LRRC17: variants seen among roughly 807,000 people sequenced by gnomAD.
LRRC17 encodes leucine-rich repeat-containing protein 17.
A neutral mutation model predicts 41.5 loss-of-function variants in LRRC17; 33 were observed. The observed-to-expected ratio is 0.80, with a 90% CI of 0.60 to 1.06. The LOEUF is 1.06. Ranked by LOEUF, LRRC17 falls within the 50% of genes least tolerant of loss-of-function variation. The probability of loss-of-function intolerance (pLI) is 0.00; values close to 1 mark genes in which losing one functional copy is unlikely to be tolerated. For missense variants in LRRC17, 491 were observed against 519.3 expected (o/e 0.95, Z 0.53); for synonymous variants, 192 against 197.0 (o/e 0.97, Z 0.21).
At chr7:102,944,107 G>A in intron 3 of LRRC17, 103 bp from the exon 4 acceptor site, 1 of 871,868 alleles carries the variant, frequency 1.1e-6, no homozygotes. Context: ...ATTTTCAAAG[G>A]GGAAAATTAA....
Position 102,913,106 on chromosome 7 carries a change from C to G in LRRC17, c.-180C>G, listed in dbSNP as rs78663338. On this transcript the variant is annotated 5_prime_UTR_variant, in exon 1 of 4. Coordinates refer to ENST00000339431, the MANE Select transcript of LRRC17 (RefSeq NM_001031692.3). ...CAAACCTGGGTGCAGCCAGAGAGGT[C>G]CAGATAGATGAGCTTGTGGCATCCA... 6.2e-7 allele frequency: 1 copy of G among 1,614,154 alleles called. No individual in the cohort carries two copies. Among genetic ancestry groups the G allele is most frequent in the African/African-American group, 1.3e-5 (1 of 75,060 alleles).
intron 1 of LRRC17, among the ~76,000 whole-genome samples, chr7:102,921,361 A>T (rs1816981418): frequency 6.6e-6 from 1 of 152,174 alleles, no homozygotes; most frequent in Non-Finnish European, 1.5e-5. Flanking sequence ...TTATATGTAT[A>T]TACACACAGA....
At chr7:102,921,901 T>C (rs1433663424) in intron 1 of LRRC17, among the ~76,000 whole-genome samples, 1 of 151,592 alleles carries the variant, frequency 6.6e-6, no homozygotes, top group Non-Finnish European at 1.5e-5. Flanking sequence ...TAAATATCAC[T>C]GGGTCAAGTC....
At chr7:102,923,402 G>C (rs1817473095) in intron 1 of LRRC17, among the ~76,000 whole-genome samples, 1 of 151,962 alleles carries the variant, frequency 6.6e-6, no homozygotes, top group South Asian at 2.1e-4. Context: ...CACACAGTTG[G>C]GAAAAAATGT....
Position 102,934,649 on chromosome 7 carries a change from G to C in LRRC17, c.736G>C (p.Val246Leu), listed in dbSNP as rs1819941491. The change falls in exon 2 of 4, where the codon GTG (valine) becomes CTG (leucine). Residue 246 changes from valine (V) to leucine (L), a missense_variant. By Grantham distance (32) the Val-to-Leu change is conservative. Transcript: ENST00000339431. ...GGACTCAACTTTTTGCCACAATTAT[G>C]TGTTTCCCATACAAACACTGGACTG... ...EVDSTFCHNY[V>L]FPIQTLDCKR... 2 of 1,604,680 alleles carry C rather than the reference G, an allele frequency of 1.2e-6. No individual in the cohort carries two copies. The highest frequency in any genetic ancestry group is 1.7e-6 in the Non-Finnish European group (2 of 1,177,590).
At chr7:102,934,781 G>A (rs765269028) in intron 2 of LRRC17, 96 bp downstream of exon 2, 111 of 1,106,706 alleles carry the variant, frequency 1.0e-4, no homozygotes, top group Non-Finnish European at 1.4e-4. Flanking sequence ...CTTGGAATTC[G>A]TGATGTCACT....
At chr7:102,925,757 C>T (rs1184837791) in intron 1 of LRRC17, among the ~76,000 whole-genome samples, 1 of 151,936 alleles carries the variant, frequency 6.6e-6, no homozygotes, top group African/African-American at 2.4e-5. Context: ...GCCTGACCAA[C>T]ATGGAGAAAC....
rs1238779046 is a variant in LRRC17 at position 102,913,189 on chromosome 7, C to T, written c.-141+44C>T. 4 of 1,613,978 alleles carry T rather than the reference C, an allele frequency of 2.5e-6. No individual in the cohort carries two copies. In the Admixed American group the frequency reaches 5.0e-5, roughly 20 times the overall value. On this transcript the variant is annotated intron_variant, in intron 1 of 3. Coordinates refer to ENST00000339431, the MANE Select transcript of LRRC17 (RefSeq NM_001031692.3). ...TGTGAACCGTCTGCAATAAGCCAAACTAAGATTCTGTAAGTTGTGGAAGTG... is the reference window on the plus strand; with the variant it reads ...TGTGAACCGTCTGCAATAAGCCAAATTAAGATTCTGTAAGTTGTGGAAGTG...
intron 1 of LRRC17, among the ~76,000 whole-genome samples, chr7:102,924,590 G>C (rs943791282): frequency 1.3e-5 from 2 of 151,208 alleles, no homozygotes; most frequent in African/African-American, 4.9e-5. Flanking sequence ...AAAATGGTTA[G>C]AGTCAGAAGA....
Position 102,944,776 on chromosome 7 carries a change from T to C in LRRC17, c.*169T>C. On this transcript the variant is annotated 3_prime_UTR_variant, in exon 4 of 4. Coordinates refer to ENST00000339431, the MANE Select transcript of LRRC17 (RefSeq NM_001031692.3). ...GTGACTATTATAGTAATCAAGAGAA[T>C]GCTATCATCCTGCTTGCCTGTCCAT... The C allele has an allele frequency of 1.6e-6, 1 of 606,990 alleles. No individual in the cohort carries two copies. Among genetic ancestry groups the C allele is most frequent in the Non-Finnish European group, 2.7e-6 (1 of 368,256 alleles). The allele number at this position is 606,990 out of a possible 1,614,324, so 37.6% of individuals were successfully genotyped here. A position where few individuals can be genotyped will look rare whatever the true frequency, so the allele number is the denominator to read the frequency against.
intron 1 of LRRC17, among the ~76,000 whole-genome samples, chr7:102,921,138 C>T (rs942561942): frequency 6.6e-6 from 1 of 151,978 alleles, no homozygotes; most frequent in African/African-American, 2.4e-5. Context: ...GGCAACAGGG[C>T]GAGACTCCGT....
Position 102,934,629 on chromosome 7 carries a change from CA to C in LRRC17, c.718del (p.Thr240LeufsTer20). On this transcript the variant is annotated frameshift_variant, in exon 2 of 4. Coordinates refer to ENST00000339431, the MANE Select transcript of LRRC17 (RefSeq NM_001031692.3). LOFTEE classifies it high-confidence loss of function. ...RPPVIKPEVD[S>X]TFCHNYVFPI... ...CCAGTCATCAAGCCTGAGGTGGACT[CA>C]ACTTTTTGCCACAATTATGTGTTTC... The C allele has an allele frequency of 6.2e-7, 1 of 1,608,772 alleles. No individual in the cohort carries two copies. The highest frequency in any genetic ancestry group is 8.5e-7 in the Non-Finnish European group (1 of 1,178,678).
chr7:102,936,660 A>G (rs954450631), intron 2 of LRRC17, among the ~76,000 whole-genome samples: 3 of 152,246 alleles, frequency 2.0e-5, no homozygotes, highest in African/African-American at 7.2e-5. Context: ...TAGTTAGAAT[A>G]CTTGATATTG....
At chr7:102,923,334 G>A (rs1225235408) in intron 1 of LRRC17, among the ~76,000 whole-genome samples, 4 of 152,046 alleles carry the variant, frequency 2.6e-5, no homozygotes, top group Non-Finnish European at 5.9e-5. Flanking sequence ...GATGTTTTCC[G>A]TGGTATAGAA....
At chr7:102,926,526 G>T in intron 1 of LRRC17, 2 of 601,418 alleles carry the variant, frequency 3.3e-6, no homozygotes, top group Non-Finnish European at 5.7e-6. Context: ...AGGTTGAAAT[G>T]AAATTAAATA....
chr7:102,922,835 G>T (rs1346467772), intron 1 of LRRC17, among the ~76,000 whole-genome samples: 1 of 151,986 alleles, frequency 6.6e-6, no homozygotes, highest in Non-Finnish European at 1.5e-5. Flanking sequence ...AAAATTAACT[G>T]GGTGTGGTGG....
Position 102,944,423 on chromosome 7 carries a change from C to T in LRRC17, c.1142C>T (p.Pro381Leu). 1 of 1,613,898 alleles carries T rather than the reference C, an allele frequency of 6.2e-7. No homozygotes were observed. The highest frequency in any genetic ancestry group is 8.5e-7 in the Non-Finnish European group (1 of 1,179,944). Residue 381 changes from proline to leucine, a missense_variant, in exon 4 of 4, where the codon CCT (proline) becomes CTT (leucine). Pro to Leu is a moderately conservative substitution (Grantham distance 98). Coordinates refer to ENST00000339431, the MANE Select transcript of LRRC17 (RefSeq NM_001031692.3). Reference sequence around the variant, plus strand: ...TTTAATGGCCTGGAATGCAAAACGCCTGAAGAATACAAAGGATGGTCTGTG... The same window carrying T: ...TTTAATGGCCTGGAATGCAAAACGCTTGAAGAATACAAAGGATGGTCTGTG... ...VHFNGLECKT[P>L]EEYKGWSVGK...
Position 102,933,898 on chromosome 7 carries a change from C to T in LRRC17, c.-16C>T, listed in dbSNP as rs778155877. 1 of 1,579,372 alleles carries T rather than the reference C, an allele frequency of 6.3e-7. No homozygotes were observed. The highest frequency in any genetic ancestry group is 1.2e-5 in the South Asian group (1 of 86,392). ...CGTCTGTAACACGAAGTAATTGGGG[C>T]CAGCTGGATGTCAGGATGCGTGTGG... On this transcript the variant is annotated 5_prime_UTR_variant, in exon 2 of 4. Transcript: ENST00000339431.
At chr7:102,931,001 C>A (rs2129472939) in intron 1 of LRRC17, among the ~76,000 whole-genome samples, 1 of 152,226 alleles carries the variant, frequency 6.6e-6, no homozygotes, top group South Asian at 2.1e-4. Context: ...TGAAGGAAGC[C>A]AAAACCCTAT....
Sources: gnomAD v4.1 joint callset for allele counts (sites outside exome capture counted in the v4.1 genomes callset) on GRCh38, gnomAD v4.1.1 for gene constraint, MANE v1.5 for transcripts, NCBI Gene and HGNC (gene_info 2026-07-23, HGNC 2026-07-21) for gene names.